The following SLC2A12 variants were observed in gnomAD, a reference collection of about 807,000 sequenced individuals.
SLC2A12 encodes solute carrier family 2, facilitated glucose transporter member 12.
A neutral mutation model predicts 41.8 loss-of-function variants in SLC2A12; 23 were observed. The observed-to-expected ratio is 0.55, with a 90% CI of 0.40 to 0.78. The LOEUF is 0.78. Ranked by LOEUF, SLC2A12 falls within the 30% of genes least tolerant of loss-of-function variation. The pLI is 0.00. For missense variants in SLC2A12, 654 were observed against 745.6 expected (o/e 0.88, Z 1.43); for synonymous variants, 295 against 285.9 (o/e 1.03, Z -0.32).
Position 134,012,693 on chromosome 6 carries a change from C to T in SLC2A12, c.1445-5759G>A, listed in dbSNP as rs570531824. 9.5e-4 allele frequency among the ~76,000 whole-genome samples: 97 copies of T among 102,336 alleles called. No homozygotes were observed. In the Middle Eastern group the frequency reaches 0.013, roughly 14 times the overall value. 67.1% of individuals were successfully genotyped at this position (102,336 alleles called of 152,430 possible). ...TTTAAAAAATTTAGGAACAGGCCAG[C>T]GCAGTGGCCCACTCCTACAATTCCA... is the stretch of plus-strand genomic sequence containing the variant. On this transcript the variant is annotated intron_variant, in intron 2 of 4. Coordinates refer to ENST00000275230, the MANE Select transcript of SLC2A12 (RefSeq NM_145176.3).
chr6:134,015,390 T>C (rs936021863), intron 2 of SLC2A12, among the ~76,000 whole-genome samples: 18 of 152,112 alleles, frequency 1.2e-4, no homozygotes, highest in African/African-American at 4.1e-4. Context: ...GGTGGGTTGA[T>C]CTGTGCAGCA....
chr6:133,994,718 TCAAA>T (rs574026760), intron 4 of SLC2A12, among the ~76,000 whole-genome samples: 30 of 152,154 alleles, frequency 2.0e-4, no homozygotes, highest in African/African-American at 5.8e-4. Context: ...AGACTCCATC[TCAAA>T]CAAACAAACA....
intron 4 of SLC2A12, among the ~76,000 whole-genome samples, chr6:133,995,268 T>G (rs1195903099): frequency 6.6e-6 from 1 of 150,758 alleles, no homozygotes; most frequent in African/African-American, 2.5e-5. Flanking sequence ...TGATGAGGAG[T>G]AGGTAAAGAT....
intron 2 of SLC2A12, among the ~76,000 whole-genome samples, chr6:134,013,955 T>C (rs1486417206): frequency 6.6e-6 from 1 of 152,078 alleles, no homozygotes; most frequent in Admixed American, 6.6e-5. Flanking sequence ...ACTGGGGAGA[T>C]GGGGAAGGAG....
At chr6:134,004,738 T>A (rs1285526525) in intron 3 of SLC2A12, among the ~76,000 whole-genome samples, 1 of 152,212 alleles carries the variant, frequency 6.6e-6, no homozygotes, top group African/African-American at 2.4e-5. Context: ...TTCAAGCACG[T>A]ATTTTACCTT....
chr6:134,048,441 A>T (rs1773612045), intron 1 of SLC2A12, among the ~76,000 whole-genome samples: 1 of 152,126 alleles, frequency 6.6e-6, no homozygotes. Context: ...TACTAAAAAT[A>T]CAAAAATTAG....
At chr6:134,004,141 A>T (rs945796662) in intron 3 of SLC2A12, among the ~76,000 whole-genome samples, 2 of 152,138 alleles carry the variant, frequency 1.3e-5, no homozygotes, top group African/African-American at 4.8e-5. Context: ...CCTCCCAGAG[A>T]TGTGTGTCAT....
At chr6:134,024,833 C>T (rs1043033675) in intron 2 of SLC2A12, among the ~76,000 whole-genome samples, 1 of 152,234 alleles carries the variant, frequency 6.6e-6, no homozygotes. Context: ...CAGAACTACC[C>T]AACTCCAGCT....
intron 1 of SLC2A12, among the ~76,000 whole-genome samples, chr6:134,038,836 C>G (rs972413088): frequency 2.0e-5 from 3 of 150,620 alleles, no homozygotes; most frequent in African/African-American, 7.4e-5. Flanking sequence ...TTCTGAGTAG[C>G]TGGGATTACA....
In SLC2A12 at chr6:134,049,988, G is replaced by T. The variant is rs182849618; in HGVS notation, c.103+2390C>A. Among the ~76,000 whole-genome samples, 15 of 152,228 alleles carry T rather than the reference G, an allele frequency of 9.9e-5. 1 individual carries two copies. The East Asian group carries it at 2.9e-3, about 29-fold the overall frequency. ...CAAATGCAGACATATTGTGATAATTGTTGAGCATAATTTAAATACTCTGAA... is the reference window on the plus strand; with the variant it reads ...CAAATGCAGACATATTGTGATAATTTTTGAGCATAATTTAAATACTCTGAA... On this transcript the variant is annotated intron_variant, in intron 1 of 4. Transcript: ENST00000275230.
rs1299973011 is a variant in SLC2A12 at position 134,001,694 on chromosome 6, C to T, written c.1700+303G>A. On this transcript the variant is annotated intron_variant, in intron 4 of 4. Transcript: ENST00000275230. ...GTAAAGATTTTATTCAAATTCAGTACAATATTTCATTGATAAGTGAAAATT... is the reference window on the plus strand; with the variant it reads ...GTAAAGATTTTATTCAAATTCAGTATAATATTTCATTGATAAGTGAAAATT... Among the ~76,000 whole-genome samples, 4 of 145,188 alleles carry T rather than the reference C, an allele frequency of 2.8e-5. No homozygotes were observed. The East Asian group carries it at 6.2e-4, about 22-fold the overall frequency.
At chr6:133,997,768 A>G (rs539559173) in intron 4 of SLC2A12, among the ~76,000 whole-genome samples, 18 of 152,308 alleles carry the variant, frequency 1.2e-4, no homozygotes, top group Admixed American at 5.2e-4. Context: ...AACCTTTGTA[A>G]CAAACCTGCA....
At chr6:134,033,325 T>C (rs1296732776) in intron 1 of SLC2A12, among the ~76,000 whole-genome samples, 2 of 152,216 alleles carry the variant, frequency 1.3e-5, no homozygotes. Flanking sequence ...TACTCTCTTA[T>C]AGGTTCATTC....
At chr6:134,026,875 G>C (rs774398038) in intron 2 of SLC2A12, among the ~76,000 whole-genome samples, 1 of 152,192 alleles carries the variant, frequency 6.6e-6, no homozygotes, top group Non-Finnish European at 1.5e-5. Context: ...GCGTCAATCA[G>C]ATTTCACCTA....
chr6:134,028,825 C>T lies in SLC2A12; in HGVS notation c.1000G>A (p.Ala334Thr). The T allele has an allele frequency of 3.7e-6, 6 of 1,614,160 alleles. No individual in the cohort carries two copies. Among genetic ancestry groups the T allele is most frequent in the Non-Finnish European group, 4.2e-6 (5 of 1,180,026 alleles). ...CCGACATGGTCTACAAGAAGAGTGGCAGGGATGGTGCTAATGACCTTGACG... is the reference window on the plus strand; with the variant it reads ...CCGACATGGTCTACAAGAAGAGTGGTAGGGATGGTGCTAATGACCTTGACG... ...GVVKVISTIP[A>T]TLLVDHVGSK... Residue 334 changes from alanine to threonine, a missense_variant, in exon 2 of 5, where the codon GCC (alanine) becomes ACC (threonine). By Grantham distance (58) the Ala-to-Thr change is moderately conservative (BLOSUM62 0). This residue lies in a region of SLC2A12 where 411 missense variants were observed against 412.1 expected (regional missense o/e 1.00). Transcript: ENST00000275230.
intron 1 of SLC2A12, among the ~76,000 whole-genome samples, chr6:134,051,654 C>T (rs74453090): frequency 0.015 from 2,311 of 152,236 alleles, 69 homozygotes; most frequent in African/African-American, 0.053. Flanking sequence ...GAAGTGAAGA[C>T]CAGCCTCTGA....
intron 2 of SLC2A12, among the ~76,000 whole-genome samples, chr6:134,020,482 A>T (rs1022266524): frequency 6.6e-6 from 1 of 152,236 alleles, no homozygotes; most frequent in Non-Finnish European, 1.5e-5. Flanking sequence ...ACTAGTTTAT[A>T]TAGTTTATAC....
intron 3 of SLC2A12, among the ~76,000 whole-genome samples, chr6:134,006,063 T>A (rs1166863776): frequency 6.6e-6 from 1 of 150,720 alleles, no homozygotes; most frequent in Non-Finnish European, 1.5e-5. Context: ...TCCCAGCTGC[T>A]CCAGAGGCTG....
At chr6:134,032,215 G>GA (rs1394229786) in intron 1 of SLC2A12, among the ~76,000 whole-genome samples, 2 of 151,252 alleles carry the variant, frequency 1.3e-5, no homozygotes, top group South Asian at 2.1e-4. Context: ...AAAATAAGGG[G>GA]AAAAAAGCAC....
Sources: gnomAD v4.1 joint callset for allele counts (sites outside exome capture counted in the v4.1 genomes callset) on GRCh38, gnomAD v4.1.1 for gene constraint, gnomAD v4.1.1 regional missense constraint, MANE v1.5 for transcripts, NCBI Gene and HGNC (gene_info 2026-07-23, HGNC 2026-07-21) for gene names.